The following BBS9 variants were observed in gnomAD, a reference collection of about 807,000 sequenced individuals.
BBS9 encodes the protein Bardet-Biedl syndrome 9, also known as protein PTHB1.
A neutral mutation model predicts 117.7 loss-of-function variants in BBS9; 89 were observed. The ratio of observed to expected loss-of-function variants is 0.76; its 90% CI spans 0.64 to 0.90. The LOEUF (loss-of-function observed/expected upper bound fraction) is 0.90, where lower values mean the gene tolerates loss of function less well. BBS9 is among the 40% of genes least tolerant of loss of function. BBS9 has a pLI of 0.00. For synonymous variants in BBS9, 379 were observed against 370.9 expected (o/e 1.02, Z -0.25); for missense variants, 982 against 1,042.2 (o/e 0.94, Z 0.80).
intron 21 of BBS9, among the ~76,000 whole-genome samples, chr7:33,563,054 A>G (rs942060434): frequency 2.6e-5 from 4 of 152,226 alleles, no homozygotes; most frequent in Non-Finnish European, 5.9e-5. Context: ...TTATTATTAT[A>G]GAGTGTATTT....
At chr7:33,598,640 C>A (rs1863300114) in intron 21 of BBS9, among the ~76,000 whole-genome samples, 1 of 152,180 alleles carries the variant, frequency 6.6e-6, no homozygotes, top group Non-Finnish European at 1.5e-5. Flanking sequence ...TTCTGCACAT[C>A]TGAAACTATT....
chr7:33,213,171 G>C (rs148916939), intron 5 of BBS9, among the ~76,000 whole-genome samples: 1 of 152,174 alleles, frequency 6.6e-6, no homozygotes, highest in African/African-American at 2.4e-5. Context: ...ATTCTACTGC[G>C]GCTAAGCTGG....
At chr7:33,251,599 G>A (rs950197416) in intron 5 of BBS9, among the ~76,000 whole-genome samples, 2 of 152,152 alleles carry the variant, frequency 1.3e-5, no homozygotes, top group Admixed American at 6.5e-5. Flanking sequence ...TGATGTGTGT[G>A]GGAAATAGCA....
chr7:33,532,871 G>A (rs575224860), intron 20 of BBS9, among the ~76,000 whole-genome samples: 1 of 152,288 alleles, frequency 6.6e-6, no homozygotes, highest in Admixed American at 6.5e-5. Context: ...AGTATTCTAT[G>A]ATCATAAATT....
At chr7:33,383,602 T>G in intron 17 of BBS9, 64 bp from the exon 18 acceptor site, 2 of 1,400,516 alleles carry the variant, frequency 1.4e-6, no homozygotes, top group Non-Finnish European at 2.0e-6. Context: ...TTAGTGATAG[T>G]TCATGTAGCT....
chr7:33,537,723 A>G (rs1851673748), intron 21 of BBS9, among the ~76,000 whole-genome samples: 1 of 152,146 alleles, frequency 6.6e-6, no homozygotes, highest in African/African-American at 2.4e-5. Context: ...CCTAGGACTA[A>G]AAGACTTGCT....
chr7:33,518,621 G>GA (rs1343335383), intron 20 of BBS9, among the ~76,000 whole-genome samples: 1 of 151,926 alleles, frequency 6.6e-6, no homozygotes, highest in South Asian at 2.1e-4. Flanking sequence ...CTTTTTGGAA[G>GA]AAAAAAACCC....
intron 5 of BBS9, among the ~76,000 whole-genome samples, chr7:33,250,820 T>G (rs1181436495): frequency 1.3e-5 from 2 of 152,240 alleles, no homozygotes; most frequent in African/African-American, 4.8e-5. Flanking sequence ...GTATCTCCTA[T>G]GTGCCAGGCA....
chr7:33,169,872 A>C (rs1037168551), intron 4 of BBS9, among the ~76,000 whole-genome samples: 2 of 151,526 alleles, frequency 1.3e-5, no homozygotes, highest in Non-Finnish European at 2.9e-5. Flanking sequence ...TGTTTTAGAT[A>C]TGAAGTCCTT....
intron 19 of BBS9, among the ~76,000 whole-genome samples, chr7:33,485,656 G>C (rs1843014089): frequency 6.6e-6 from 1 of 152,130 alleles, no homozygotes; most frequent in South Asian, 2.1e-4. Flanking sequence ...AGGTTTGAGA[G>C]AAATTTTTCT....
intron 19 of BBS9, among the ~76,000 whole-genome samples, chr7:33,466,197 C>T (rs1056015292): frequency 1.3e-5 from 2 of 152,006 alleles, no homozygotes; most frequent in African/African-American, 2.4e-5. Flanking sequence ...AAATTTCAAG[C>T]GTACAATACA....
chr7:33,579,481 C>T (rs977847756), intron 21 of BBS9, among the ~76,000 whole-genome samples: 3 of 152,076 alleles, frequency 2.0e-5, no homozygotes, highest in East Asian at 3.8e-4. Context: ...AGGTTTGGCC[C>T]GGCGTGTATC....
Position 33,362,278 on chromosome 7 carries a change from C to T in BBS9, c.1693+4283C>T, listed in dbSNP as rs1049449018. ...GCAGAAGTTCTTAATCTTCATAAAC[C>T]CCCCCGTTTATCAATTTCTTAATGG... On this transcript the variant is annotated intron_variant, in intron 16 of 22. Coordinates refer to ENST00000242067, the MANE Select transcript of BBS9 (RefSeq NM_198428.3). 9.9e-5 allele frequency among the ~76,000 whole-genome samples: 15 copies of T among 152,066 alleles called. No individual in the cohort carries two copies. The South Asian group carries it at 2.9e-3, about 29-fold the overall frequency.
At chr7:33,274,800 G>A (rs927824394) in intron 9 of BBS9, among the ~76,000 whole-genome samples, 8 of 152,028 alleles carry the variant, frequency 5.3e-5, no homozygotes, top group African/African-American at 1.9e-4. Context: ...TTCAAGACCA[G>A]CCTGGCCAAC....
intron 9 of BBS9, among the ~76,000 whole-genome samples, chr7:33,313,064 TGC>T (rs1554412030): frequency 6.8e-5 from 10 of 147,796 alleles, no homozygotes; most frequent in South Asian, 2.2e-4. Flanking sequence ...TGTGTGTGTG[TGC>T]GCGCACAGGC....
chr7:33,341,196 T>C (rs1446122825), intron 11 of BBS9, among the ~76,000 whole-genome samples: 1 of 152,158 alleles, frequency 6.6e-6, no homozygotes, highest in African/African-American at 2.4e-5. Context: ...AGTGGGGTTG[T>C]AGGGGAAGAG....
chr7:33,176,297 A>G (rs936388187), intron 4 of BBS9, among the ~76,000 whole-genome samples: 2 of 152,180 alleles, frequency 1.3e-5, no homozygotes, highest in African/African-American at 2.4e-5. Flanking sequence ...GGATCCATGG[A>G]CAGTAAAATC....
chr7:33,264,246 TA>T, intron 6 of BBS9, 43 bp from the exon 7 acceptor site: 1 of 982,208 alleles, frequency 1.0e-6, no homozygotes, highest in Non-Finnish European at 1.4e-6. Context: ...TTATAATTTT[TA>T]ATTATAAACT....
chr7:33,178,959 A>G (rs1797727180), intron 5 of BBS9, among the ~76,000 whole-genome samples: 1 of 152,180 alleles, frequency 6.6e-6, no homozygotes, highest in African/African-American at 2.4e-5. Context: ...GAATGTTTGG[A>G]TTACTTGAAC....
Sources: allele counts gnomAD v4.1 joint callset (sites outside exome capture counted in the v4.1 genomes callset), GRCh38; gene constraint gnomAD v4.1.1; transcripts MANE v1.5; gene names NCBI Gene and HGNC (gene_info 2026-07-23, HGNC 2026-07-21).